Variants in PLCL1 observed in about 807,000 individuals in gnomAD.
PLCL1 encodes inactive phospholipase C-like protein 1.
Under a neutral mutation model 84.4 loss-of-function variants are expected in PLCL1, and 41 were observed. The ratio of observed to expected loss-of-function variants is 0.49; its 90% CI spans 0.38 to 0.63. The LOEUF (loss-of-function observed/expected upper bound fraction) is 0.63. PLCL1 is among the 30% of genes least tolerant of loss of function. PLCL1 has a pLI of 0.00. For missense variants in PLCL1, 1,206 were observed against 1,367.8 expected (o/e 0.88, Z 1.87); for synonymous variants, 490 against 488.3 (o/e 1.00, Z -0.05).
At chr2:197,856,446 A>G (rs1412748890) in intron 1 of PLCL1, among the ~76,000 whole-genome samples, 1 of 152,216 alleles carries the variant, frequency 6.6e-6, no homozygotes, top group Non-Finnish European at 1.5e-5. Context: ...TTTATAAAAC[A>G]ACTTACCAAA....
intron 1 of PLCL1, among the ~76,000 whole-genome samples, chr2:198,037,768 G>A (rs1295793305): frequency 6.6e-6 from 1 of 152,082 alleles, no homozygotes; most frequent in African/African-American, 2.4e-5. Flanking sequence ...ACTTTTGAGT[G>A]TAAATATAAA....
intron 1 of PLCL1, among the ~76,000 whole-genome samples, chr2:197,913,016 G>A (rs75527948): frequency 1.3e-5 from 2 of 151,962 alleles, no homozygotes; most frequent in African/African-American, 4.8e-5. Flanking sequence ...TTCAAATTTT[G>A]GTTTGGAAAA....
chr2:198,007,629 T>C (rs1690759893), intron 1 of PLCL1, among the ~76,000 whole-genome samples: 1 of 152,204 alleles, frequency 6.6e-6, no homozygotes, highest in Non-Finnish European at 1.5e-5. Context: ...ATTAGTAGAA[T>C]GTTAACCCTC....
intron 1 of PLCL1, among the ~76,000 whole-genome samples, chr2:197,995,194 C>T (rs1690432284): frequency 6.6e-6 from 1 of 152,100 alleles, no homozygotes; most frequent in Admixed American, 6.5e-5. Flanking sequence ...CATGTGCTAC[C>T]ATTTTAGGTA....
chr2:197,848,706 A>G (rs1687165907), intron 1 of PLCL1, among the ~76,000 whole-genome samples: 1 of 152,196 alleles, frequency 6.6e-6, no homozygotes, highest in Non-Finnish European at 1.5e-5. Context: ...AAAATAATAG[A>G]CAAGGTCAAA....
chr2:198,045,114 A>G (rs1307537162), intron 1 of PLCL1, among the ~76,000 whole-genome samples: 1 of 152,236 alleles, frequency 6.6e-6, no homozygotes, highest in Non-Finnish European at 1.5e-5. Flanking sequence ...TATTCTTTTC[A>G]GGATTAACTC....
intron 1 of PLCL1, among the ~76,000 whole-genome samples, chr2:197,936,612 T>C (rs1429767715): frequency 3.3e-5 from 5 of 152,176 alleles, no homozygotes; most frequent in Admixed American, 6.5e-5. Flanking sequence ...TTTCTTGCTA[T>C]TGAGTTGCCT....
At position 198,085,517 on chromosome 2, in the gene PLCL1, T is replaced by C. The variant is rs1194250322; in HGVS notation, c.2000T>C (p.Val667Ala). 2 of 1,613,992 alleles carry C rather than the reference T, an allele frequency of 1.2e-6. No homozygotes were observed. Among genetic ancestry groups the C allele is most frequent in the East Asian group, 2.2e-5 (1 of 44,882 alleles). ...QDFWNCGCQI[V>A]AMNFQTPGPM... ...TTTTGGAATTGTGGCTGTCAGATTG[T>C]AGCAATGAATTTTCAGACTCCGGGT... is the stretch of plus-strand genomic sequence containing the variant. The change falls in exon 2 of 6, where the codon GTA becomes GCA. Residue 667 changes from valine to alanine, a missense_variant. Transcript: ENST00000428675. This position sits in a 1 kb window ranked among gnomAD's most constrained non-coding sequence, Gnocchi z 5.3.
chr2:197,923,684 A>G (rs1417034374), intron 1 of PLCL1, among the ~76,000 whole-genome samples: 1 of 146,710 alleles, frequency 6.8e-6, no homozygotes, highest in Non-Finnish European at 1.5e-5. Flanking sequence ...CTGGGCAGCC[A>G]GGCAGAGAGG....
intron 1 of PLCL1, among the ~76,000 whole-genome samples, chr2:197,923,057 G>A (rs1439777724): frequency 7.7e-6 from 1 of 130,470 alleles, no homozygotes; most frequent in Non-Finnish European, 1.7e-5. Context: ...CCTCCCAGAC[G>A]GGGCGGCTGG....
chr2:197,859,339 TG>T (rs754574885), intron 1 of PLCL1, among the ~76,000 whole-genome samples: 7 of 152,218 alleles, frequency 4.6e-5, no homozygotes, highest in Non-Finnish European at 8.8e-5. Context: ...CAGATGTGTC[TG>T]ATACTCAGTT....
intron 1 of PLCL1, among the ~76,000 whole-genome samples, chr2:198,078,004 A>T (rs932795031): frequency 6.6e-6 from 1 of 152,100 alleles, no homozygotes; most frequent in Admixed American, 6.6e-5. Context: ...TTTTATTAGG[A>T]TACCTTCCTA....
At chr2:198,128,814 GCCTATGC>G (rs369163256) in intron 5 of PLCL1, among the ~76,000 whole-genome samples, 34 of 152,286 alleles carry the variant, frequency 2.2e-4, no homozygotes, top group African/African-American at 7.2e-4. Context: ...AGTTAGTTCA[GCCTATGC>G]CCAGCTTGGA....
intron 1 of PLCL1, among the ~76,000 whole-genome samples, chr2:197,993,573 A>C (rs1398345100): frequency 6.6e-6 from 1 of 152,098 alleles, no homozygotes; most frequent in Non-Finnish European, 1.5e-5. Context: ...AACAGTGTAG[A>C]GTCATTATCA....
intron 1 of PLCL1, among the ~76,000 whole-genome samples, chr2:197,945,581 G>A (rs1689256307): frequency 6.6e-6 from 1 of 152,200 alleles, no homozygotes; most frequent in Non-Finnish European, 1.5e-5. Context: ...ATGCTCTTGA[G>A]TGCCGTGGTC....
intron 1 of PLCL1, among the ~76,000 whole-genome samples, chr2:198,006,814 C>T (rs1690739296): frequency 6.6e-6 from 1 of 152,068 alleles, no homozygotes. Context: ...TGCAAAGGAC[C>T]CTGTGGAATG....
chr2:197,910,678 C>T (rs80096336), intron 1 of PLCL1, among the ~76,000 whole-genome samples: 1,773 of 152,228 alleles, frequency 0.012, 41 homozygotes, highest in African/African-American at 0.04. Context: ...CCCGGCAACC[C>T]GAAAATATCC....
intron 1 of PLCL1, among the ~76,000 whole-genome samples, chr2:197,856,750 C>A (rs1186561955): frequency 6.6e-6 from 1 of 152,032 alleles, no homozygotes. Context: ...TTCAGACAAC[C>A]AAAGACCAAT....
intron 1 of PLCL1, among the ~76,000 whole-genome samples, chr2:197,931,607 T>TAAAC (rs66600247): frequency 0.71 from 106,327 of 149,938 alleles, 38,512 homozygotes; most frequent in Middle Eastern, 0.85. Context: ...ATTCAAGAAA[T>TAAAC]AGACAGACCT....
Sources: gnomAD v4.1 joint callset for allele counts (sites outside exome capture counted in the v4.1 genomes callset) on GRCh38, gnomAD v4.1.1 for gene constraint, Gnocchi (gnomAD v3.1) non-coding constraint, MANE v1.5 for transcripts, NCBI Gene and HGNC (gene_info 2026-07-23, HGNC 2026-07-21) for gene names.